Variants in PPP2R2C observed in about 807,000 individuals in gnomAD.
PPP2R2C encodes protein phosphatase 2 regulatory subunit Bgamma.
PPP2R2C carries 10 observed loss-of-function variants against 45.3 expected under a neutral mutation model. The observed-to-expected ratio is 0.22, with a 90% CI of 0.14 to 0.37. The LOEUF (loss-of-function observed/expected upper bound fraction) is 0.37, where lower values mean the gene tolerates loss of function less well. PPP2R2C is among the 10% of genes least tolerant of loss of function. The pLI, the probability that PPP2R2C is intolerant of heterozygous loss-of-function variation, is 1.00. For missense variants in PPP2R2C, 308 were observed against 619.7 expected, an observed-to-expected ratio of 0.50 and a Z score of 5.34; for synonymous variants, 257 against 245.4, an observed-to-expected ratio of 1.05 and a Z score of -0.44.
intron 2 of PPP2R2C, among the ~76,000 whole-genome samples, chr4:6,498,184 G>A (rs1343033464): frequency 1.3e-5 from 2 of 152,184 alleles, no homozygotes; most frequent in Admixed American, 6.5e-5. Context: ...CATCGACAAG[G>A]AATACGAAAT....
chr4:6,474,459 C>T (rs772188377), upstream of PPP2R2C, among the ~76,000 whole-genome samples: 10 of 152,220 alleles, frequency 6.6e-5, no homozygotes, highest in Non-Finnish European at 1.2e-4. Context: ...CCCACCCTCC[C>T]GCATGTTCCT....
At chr4:6,511,279 C>G (rs901456760) in intron 2 of PPP2R2C, among the ~76,000 whole-genome samples, 13 of 142,982 alleles carry the variant, frequency 9.1e-5, no homozygotes, top group Non-Finnish European at 1.7e-4. Context: ...GATGCTGATG[C>G]TGATGCTGAT....
intron 8 of PPP2R2C, among the ~76,000 whole-genome samples, chr4:6,325,079 C>T (rs77073578): frequency 3.5e-3 from 537 of 152,320 alleles, no homozygotes; most frequent in African/African-American, 0.012. Context: ...AAAGCTCACA[C>T]GTGAGCTCCG....
chr4:6,525,059 C>T (rs1248405601), intron 2 of PPP2R2C, among the ~76,000 whole-genome samples: 1 of 151,800 alleles, frequency 6.6e-6, no homozygotes, highest in East Asian at 1.9e-4. Context: ...GCACTCCAAC[C>T]TGGGTGACAG....
At chr4:6,462,331 C>T (rs536753824) in intron 1 of PPP2R2C, among the ~76,000 whole-genome samples, 57 of 152,212 alleles carry the variant, frequency 3.7e-4, no homozygotes, top group African/African-American at 1.1e-3. Flanking sequence ...AAAAATTAGT[C>T]GGGCGTGGTG....
At chr4:6,425,125 G>A (rs1387220694) in intron 1 of PPP2R2C, among the ~76,000 whole-genome samples, 1 of 152,172 alleles carries the variant, frequency 6.6e-6, no homozygotes, top group Non-Finnish European at 1.5e-5. Flanking sequence ...ATGACAGGAA[G>A]TGGCAATGCT....
intron 1 of PPP2R2C, chr4:6,414,120 G>T: frequency 9.3e-7 from 1 of 1,073,172 alleles, no homozygotes; most frequent in South Asian, 2.3e-5. Context: ...GTGTGTGTGT[G>T]TGTACAGGTA....
chr4:6,414,020 T>C (rs1718383760), intron 1 of PPP2R2C: 12 of 1,530,902 alleles, frequency 7.8e-6, no homozygotes, highest in South Asian at 2.4e-5. Context: ...ACCAGATCTA[T>C]GTGGCCCAAA....
At chr4:6,386,183 C>A (rs904804314) in intron 1 of PPP2R2C, among the ~76,000 whole-genome samples, 2 of 152,170 alleles carry the variant, frequency 1.3e-5, no homozygotes, top group African/African-American at 4.8e-5. Flanking sequence ...ATGCTGCAGG[C>A]GGTCAGCAAT....
At chr4:6,372,295 G>T (rs73798215) in intron 5 of PPP2R2C, among the ~76,000 whole-genome samples, 1 of 152,210 alleles carries the variant, frequency 6.6e-6, no homozygotes, top group African/African-American at 2.4e-5. Flanking sequence ...TGGAGGAGGC[G>T]ATGGGTGCAA....
At chr4:6,434,369 TTTTTTTG>T (rs1361510731) in intron 1 of PPP2R2C, among the ~76,000 whole-genome samples, 1,913 of 144,604 alleles carry the variant, frequency 0.013, 29 homozygotes, top group Non-Finnish European at 0.014. Flanking sequence ...CTTTTTTTTT[TTTTTTTG>T]GAGACAGAGT....
intron 1 of PPP2R2C, 131 bp downstream of exon 1, chr4:6,472,029 A>ATGGGG (rs1183148365): frequency 2.1e-4 from 174 of 841,860 alleles, no homozygotes; most frequent in Non-Finnish European, 2.4e-4. Context: ...GTGGGGTGGG[A>ATGGGG]TGGGGTGGGG....
At chr4:6,505,193 A>G (rs1473113960) in intron 2 of PPP2R2C, among the ~76,000 whole-genome samples, 1 of 152,112 alleles carries the variant, frequency 6.6e-6, no homozygotes, top group African/African-American at 2.4e-5. Context: ...CCAGAATATT[A>G]TATTCAGTGA....
At chr4:6,485,242 C>A (rs1200968585) in intron 2 of PPP2R2C, among the ~76,000 whole-genome samples, 1 of 151,776 alleles carries the variant, frequency 6.6e-6, no homozygotes, top group Non-Finnish European at 1.5e-5. Context: ...CCATGCATTC[C>A]TGGGATAAAC....
At chr4:6,427,319 G>A (rs1304195463) in intron 1 of PPP2R2C, among the ~76,000 whole-genome samples, 1 of 152,232 alleles carries the variant, frequency 6.6e-6, no homozygotes, top group Non-Finnish European at 1.5e-5. Flanking sequence ...GAGGACGTGG[G>A]AAATCCTGGC....
chr4:6,510,183 T>C (rs994604496), intron 2 of PPP2R2C, among the ~76,000 whole-genome samples: 1 of 152,148 alleles, frequency 6.6e-6, no homozygotes, highest in Non-Finnish European at 1.5e-5. Flanking sequence ...CCATCTTACA[T>C]GGAGTAAGCC....
At chr4:6,383,981 TATCC>T (rs1429396524) in intron 1 of PPP2R2C, 3 of 985,604 alleles carry the variant, frequency 3.0e-6, no homozygotes, top group South Asian at 4.7e-5. Context: ...GGGCTGGACG[TATCC>T]ATCCATCCAT....
chr4:6,497,121 G>T (rs563014554), intron 2 of PPP2R2C, among the ~76,000 whole-genome samples: 14 of 152,264 alleles, frequency 9.2e-5, no homozygotes, highest in Non-Finnish European at 1.5e-4. Flanking sequence ...GGAAAAGAGG[G>T]AGGAGGCACC....
chr4:6,443,405 T>C (rs531667096), intron 1 of PPP2R2C, among the ~76,000 whole-genome samples: 1 of 152,306 alleles, frequency 6.6e-6, no homozygotes, highest in South Asian at 2.1e-4. Flanking sequence ...CGGGATGCCA[T>C]GCAGACGCTG....
Sources: gnomAD v4.1 joint callset for allele counts (sites outside exome capture counted in the v4.1 genomes callset) on GRCh38, gnomAD v4.1.1 for gene constraint, MANE v1.5 for transcripts, NCBI Gene and HGNC (gene_info 2026-07-23, HGNC 2026-07-21) for gene names.